The following LIME1 variants were observed in gnomAD, a reference collection of about 807,000 sequenced individuals.
LIME1 encodes lck-interacting transmembrane adapter 1.
In LIME1, 23 loss-of-function variants were observed where a neutral mutation model predicts 18.8. The ratio of observed to expected loss-of-function variants is 1.22; its 90% CI spans 0.88 to 1.73. The LOEUF (loss-of-function observed/expected upper bound fraction) is 1.73. LIME1 is among the 40% of genes most tolerant of loss of function. The pLI is 0.00. For synonymous variants in LIME1, 177 were observed against 182.3 expected (o/e 0.97, Z 0.23); for missense variants, 423 against 396.8 (o/e 1.07, Z -0.56).
rs771780099 is a variant in LIME1, at chr20:63,738,601, G to A, written c.589G>A (p.Asp197Asn). Reference sequence around the variant, plus strand: ...CGGGTTGGCTTCCTGTCTCCAGGTGGACGTCCTGTACTCCAGGGTCTGCAA... The same window carrying A: ...CGGGTTGGCTTCCTGTCTCCAGGTGAACGTCCTGTACTCCAGGGTCTGCAA... ...KTEVTPAAQVDVLYSRVCKPK... is the reference protein window; with the variant it reads ...KTEVTPAAQVNVLYSRVCKPK... The change falls in exon 6 of 6, where the codon GAC becomes AAC. Residue 197 changes from aspartate (D) to asparagine (N), a missense_variant. Asp to Asn is a conservative substitution (Grantham distance 23). Coordinates refer to ENST00000309546, the MANE Select transcript of LIME1 (RefSeq NM_017806.4). The A allele has an allele frequency of 6.5e-7, 1 of 1,549,118 alleles. No homozygotes were observed. Among genetic ancestry groups the A allele is most frequent in the African/African-American group, 1.4e-5 (1 of 72,928 alleles).
In LIME1 at chr20:63,738,397, C is replaced by A; in HGVS notation, c.483C>A (p.Ser161Arg). 1 of 1,551,270 alleles carries A rather than the reference C, an allele frequency of 6.4e-7. No homozygotes were observed. The highest frequency in any genetic ancestry group is 8.7e-7 in the Non-Finnish European group (1 of 1,148,742). Residue 161 changes from serine (S) to arginine (R), a missense_variant, in exon 5 of 6, where the codon AGC becomes AGA. Coordinates refer to ENST00000309546, the MANE Select transcript of LIME1 (RefSeq NM_017806.4). The part of the protein sequence containing the change: ...AALPGVSLAA[S>R]PVVAEYARVQ... ...TTCCCGGGGTCAGCCTGGCGGCCAGCCCTGTGGTGGCCGAGTATGCCCGCG... is the reference window on the plus strand; with the variant it reads ...TTCCCGGGGTCAGCCTGGCGGCCAGACCTGTGGTGGCCGAGTATGCCCGCG...
At chr20:63,738,130 G>A (rs1368675039) in intron 4 of LIME1, 53 bp from the exon 5 acceptor site, 19 of 1,528,080 alleles carry the variant, frequency 1.2e-5, no homozygotes, top group Non-Finnish European at 1.6e-5. Flanking sequence ...CCCTGGGCCA[G>A]ACCCGCTCCT....
chr20:63,737,128 C>T, intron 1 of LIME1: 1 of 996,086 alleles, frequency 1.0e-6, no homozygotes, highest in Non-Finnish European at 1.2e-6. Context: ...CTTGGGGGCA[C>T]TACCTGACAC....
intron 1 of LIME1, 185 bp downstream of exon 1, chr20:63,736,897 C>T (rs917789018): frequency 1.0e-6 from 1 of 985,828 alleles, no homozygotes; most frequent in African/African-American, 1.7e-5. Context: ...TAAGGCATCC[C>T]CCACCCCGAG....
At position 63,739,065 on chromosome 20, in the gene LIME1, G is replaced by A; in HGVS notation, c.*165G>A. On this transcript the variant is annotated 3_prime_UTR_variant, in exon 6 of 6. Transcript: ENST00000309546. ...GCGGCCTCCCCGGGCTCCAGAGAAG[G>A]CCCGCGTCTAAATAAAGCGCCAGCG... The A allele has an allele frequency of 1.7e-6, 1 of 603,968 alleles. No individual in the cohort carries two copies. Among genetic ancestry groups the A allele is most frequent in the South Asian group, 2.5e-5 (1 of 40,568 alleles). The allele number at this position is 603,968 out of a possible 1,614,324, so 37.4% of individuals were successfully genotyped here.
upstream of LIME1, chr20:63,735,841 G>A (rs148485530): frequency 6.2e-6 from 10 of 1,612,502 alleles, no homozygotes; most frequent in Non-Finnish European, 8.5e-6. Context: ...GCCAGCTGGG[G>A]CAGCTCCGGG....
Position 63,737,816 on chromosome 20 carries a change from C to A in LIME1, c.99-5C>A, listed in dbSNP as rs1174806394. ...CGCCCCCCGCCCCCCACCTCTACCC[C>A]CAAGGCCCGAGGACGCTGTAGCCCC... On this transcript the variant is annotated splice_polypyrimidine_tract_variant and splice_region_variant and intron_variant, in intron 2 of 5. Coordinates refer to ENST00000309546, the MANE Select transcript of LIME1 (RefSeq NM_017806.4). 6 of 1,502,138 alleles carry A rather than the reference C, an allele frequency of 4.0e-6. No individual in the cohort carries two copies. The African/African-American group carries it at 7.2e-5, about 18-fold the overall frequency. 93.1% of individuals were successfully genotyped at this position (1,502,138 alleles called of 1,614,324 possible).
At chr20:63,737,428 G>C (rs1273596445) in intron 1 of LIME1, 105 bp from the exon 2 acceptor site, 3 of 1,380,236 alleles carry the variant, frequency 2.2e-6, no homozygotes, top group South Asian at 3.4e-5. Context: ...GAGCTGGAAC[G>C]GGAGACGCAG....
In LIME1 at chr20:63,738,680, A is replaced by C. The variant is rs1414898544; in HGVS notation, c.668A>C (p.Gln223Pro). 2.5e-6 allele frequency: 4 copies of C among 1,612,632 alleles called. No individual in the cohort carries two copies. The highest frequency in any genetic ancestry group is 1.6e-4 in the Middle Eastern group (1 of 6,080). Reference protein sequence around the residue: ...PTTDPLDPKGQGAILALAGDL... With the variant: ...PTTDPLDPKGPGAILALAGDL... ...ACAGACCCGCTGGACCCCAAGGGCC[A>C]GGGAGCGATTCTGGCCCTGGCGGGT... The change falls in exon 6 of 6, where the codon CAG becomes CCG. Residue 223 changes from glutamine to proline, a missense_variant. By Grantham distance (76) the Gln-to-Pro change is moderately conservative. Coordinates refer to ENST00000309546, the MANE Select transcript of LIME1 (RefSeq NM_017806.4).
chr20:63,737,493 C>A, intron 1 of LIME1, 40 bp from the exon 2 acceptor site: 1 of 1,428,208 alleles, frequency 7.0e-7, no homozygotes, highest in Non-Finnish European at 9.2e-7. Flanking sequence ...GCGCCAGGTC[C>A]CCTTGGCCAG....
chr20:63,736,925 C>G (rs112253079), intron 1 of LIME1: 10,107 of 985,700 alleles, frequency 0.01, 61 homozygotes, highest in Non-Finnish European at 0.011. Context: ...GCTAAGATCC[C>G]CAAGAAGGGG....
At chr20:63,736,904 C>T (rs556135635) in intron 1 of LIME1, 192 bp downstream of exon 1, 356 of 985,880 alleles carry the variant, frequency 3.6e-4, no homozygotes, top group Non-Finnish European at 4.2e-4. Context: ...TCCCCCACCC[C>T]GAGAAGTTCT....
rs942906642 is a variant in LIME1, at chr20:63,738,994, GCTGCCAGC to G, written c.*96_*103del. ...GACAGCGCCAGTCCCAGGTCCCCGGGCTGCCAGCCCGTGAGGTCCGTGAGGTCCTGGCC... is the reference window on the plus strand; with the variant it reads ...GACAGCGCCAGTCCCAGGTCCCCGGGCCGTGAGGTCCGTGAGGTCCTGGCC... On this transcript the variant is annotated 3_prime_UTR_variant, in exon 6 of 6. Transcript: ENST00000309546. 1.6e-6 allele frequency: 2 copies of G among 1,268,468 alleles called. No homozygotes were observed. Among genetic ancestry groups the G allele is most frequent in the Admixed American group, 2.9e-5 (1 of 34,616 alleles). 78.6% of individuals were successfully genotyped at this position (1,268,468 alleles called of 1,614,324 possible).
At position 63,737,808 on chromosome 20, in the gene LIME1, C is replaced by G. The variant is rs2236511; in HGVS notation, c.99-13C>G. ...GACGACCCCGCCCCCCGCCCCCCAC[C>G]TCTACCCCCAAGGCCCGAGGACGCT... On this transcript the variant is annotated splice_polypyrimidine_tract_variant and intron_variant, in intron 2 of 5. Transcript: ENST00000309546. 0.13 allele frequency: 174,890 copies of G among 1,378,994 alleles called. 12,189 individuals carry two copies. The highest frequency in any genetic ancestry group is 0.29 in the Admixed American group (11,470 of 39,808). 85.4% of individuals were successfully genotyped at this position (1,378,994 alleles called of 1,614,324 possible). A position where few individuals can be genotyped will look rare whatever the true frequency, so the allele number is the denominator to read the frequency against.
rs201305489 is a variant in LIME1 at position 63,738,294 on chromosome 20, G to A, written c.380G>A (p.Arg127Gln). ...PSAFPHQELPRALPAAAATAG... is the reference protein window; with the variant it reads ...PSAFPHQELPQALPAAAATAG... ...GCCTTCCCACACCAGGAGCTGCCCC[G>A]GGCTCTGCCGGCAGCTGCAGCCACC... The change falls in exon 5 of 6, where the codon CGG becomes CAG. Residue 127 changes from arginine to glutamine, a missense_variant. By Grantham distance (43) the Arg-to-Gln change is conservative (BLOSUM62 1). Transcript: ENST00000309546. 2,064 of 1,569,760 alleles carry A rather than the reference G, an allele frequency of 1.3e-3. 4 individuals are homozygous for A. The highest frequency in any genetic ancestry group is 5.0e-3 in the Middle Eastern group (30 of 6,020).
At chr20:63,736,511 G>A (rs912169617), upstream of LIME1, 13 of 550,506 alleles carry the variant, frequency 2.4e-5, no homozygotes, top group South Asian at 1.6e-4. Flanking sequence ...GGCTAGAGGC[G>A]CACACGTTTC....
chr20:63,738,814 AGCACGT>A lies in LIME1; in HGVS notation c.805_810del (p.Thr269_Cys270del), dbSNP rs764920445. ...GCTGGGGGACCCTGCTGGCAGGAGC[AGCACGT>A]GCGGGGCTGGGACGCCCCCTGCTTC... is the stretch of plus-strand genomic sequence containing the variant. On this transcript the variant is annotated inframe_deletion, in exon 6 of 6. Transcript: ENST00000309546. 4 of 1,612,406 alleles carry A rather than the reference AGCACGT, an allele frequency of 2.5e-6. No individual in the cohort carries two copies. The highest frequency in any genetic ancestry group is 1.7e-6 in the Non-Finnish European group (2 of 1,179,754).
Position 63,738,995 on chromosome 20 carries a change from C to A in LIME1, c.*95C>A. The A allele has an allele frequency of 1.6e-6, 2 of 1,250,120 alleles. No homozygotes were observed. Among genetic ancestry groups the A allele is most frequent in the Admixed American group, 5.8e-5 (2 of 34,556 alleles). 77.4% of individuals were successfully genotyped at this position (1,250,120 alleles called of 1,614,324 possible). A position where few individuals can be genotyped will look rare whatever the true frequency, so the allele number is the denominator to read the frequency against. On this transcript the variant is annotated 3_prime_UTR_variant, in exon 6 of 6. Coordinates refer to ENST00000309546, the MANE Select transcript of LIME1 (RefSeq NM_017806.4). ...ACAGCGCCAGTCCCAGGTCCCCGGGCTGCCAGCCCGTGAGGTCCGTGAGGT... is the reference window on the plus strand; with the variant it reads ...ACAGCGCCAGTCCCAGGTCCCCGGGATGCCAGCCCGTGAGGTCCGTGAGGT...
rs1486079450 is a variant in LIME1 at position 63,737,841 on chromosome 20, C to G, written c.119C>G (p.Pro40Arg). Reference protein sequence around the residue: ...ACRRPEDAVAPRKRARRQRAR... With the variant: ...ACRRPEDAVARRKRARRQRAR... ...CCAAGGCCCGAGGACGCTGTAGCCC[C>G]CAGGAAGAGGGCGCGGAGGCAGCGG... Residue 40 changes from proline (P) to arginine (R), a missense_variant, in exon 3 of 6, where the codon CCC becomes CGC. By Grantham distance (103) the Pro-to-Arg change is moderately radical. Transcript: ENST00000309546. The G allele has an allele frequency of 1.3e-6, 2 of 1,547,682 alleles. No homozygotes were observed. Among genetic ancestry groups the G allele is most frequent in the Middle Eastern group, 2.2e-4 (1 of 4,450 alleles).
Sources: allele counts gnomAD v4.1 joint callset, GRCh38; gene constraint gnomAD v4.1.1; transcripts MANE v1.5; gene names NCBI Gene and HGNC (gene_info 2026-07-23, HGNC 2026-07-21).